Variants in CDH12 observed in about 807,000 individuals in gnomAD.
The protein encoded by CDH12 is cadherin-12.
In CDH12, 41 loss-of-function variants were observed where a neutral mutation model predicts 74.1. The observed-to-expected ratio is 0.55, with a 90% CI of 0.43 to 0.72. CDH12 has a LOEUF of 0.72. Among genes scored for constraint, CDH12 ranks in the 30% least tolerant of loss-of-function variants. CDH12 has a pLI of 0.00. For missense variants in CDH12, 945 were observed against 977.2 expected (o/e 0.97, Z 0.44); for synonymous variants, 399 against 355.0 (o/e 1.12, Z -1.39).
chr5:21,921,682 A>C (rs1178056043), intron 6 of CDH12, among the ~76,000 whole-genome samples: 3 of 152,206 alleles, frequency 2.0e-5, no homozygotes, highest in African/African-American at 7.2e-5. Context: ...TCTCTTAGAT[A>C]TGATGGGGAA....
At chr5:22,777,092 T>G (rs777491887) in intron 1 of CDH12, among the ~76,000 whole-genome samples, 2 of 152,134 alleles carry the variant, frequency 1.3e-5, no homozygotes, top group Non-Finnish European at 2.9e-5. Flanking sequence ...GATAACTTTA[T>G]GTTTAAGAGA....
At chr5:22,144,700 TA>T (rs1454541252) in intron 4 of CDH12, among the ~76,000 whole-genome samples, 1 of 152,092 alleles carries the variant, frequency 6.6e-6, no homozygotes, top group Admixed American at 6.6e-5. Flanking sequence ...CATCTTGTTA[TA>T]AACCAAAAAT....
chr5:22,358,772 CAT>C (rs1740673425), intron 3 of CDH12, among the ~76,000 whole-genome samples: 1 of 152,180 alleles, frequency 6.6e-6, no homozygotes, highest in Non-Finnish European at 1.5e-5. Flanking sequence ...ACAAGATTCT[CAT>C]ATGCTGCTTT....
intron 1 of CDH12, among the ~76,000 whole-genome samples, chr5:22,804,241 T>C (rs997913867): frequency 5.3e-5 from 8 of 152,196 alleles, no homozygotes; most frequent in Non-Finnish European, 1.2e-4. Context: ...TTTCTCTACC[T>C]TTGAATTTGG....
chr5:22,353,574 A>C (rs1740440342), intron 3 of CDH12, among the ~76,000 whole-genome samples: 1 of 152,178 alleles, frequency 6.6e-6, no homozygotes, highest in Non-Finnish European at 1.5e-5. Context: ...TTAAATATAT[A>C]GATCACACAA....
intron 1 of CDH12, among the ~76,000 whole-genome samples, chr5:22,713,203 C>T (rs1436468997): frequency 2.3e-5 from 3 of 128,156 alleles, no homozygotes; most frequent in Non-Finnish European, 1.5e-5. Flanking sequence ...TGCAGTGGTA[C>T]GATCTCGGCT....
At chr5:22,532,055 G>A (rs923937983) in intron 1 of CDH12, among the ~76,000 whole-genome samples, 11 of 151,852 alleles carry the variant, frequency 7.2e-5, no homozygotes, top group African/African-American at 2.2e-4. Context: ...GGGGCTTTGA[G>A]GGACAAGTCA....
chr5:22,623,666 G>T (rs1738107640), intron 1 of CDH12, among the ~76,000 whole-genome samples: 1 of 152,046 alleles, frequency 6.6e-6, no homozygotes, highest in Non-Finnish European at 1.5e-5. Context: ...AATAAAAGAG[G>T]ACACAAACAA....
chr5:22,093,852 G>T, intron 4 of CDH12, among the ~76,000 whole-genome samples: 1 of 152,110 alleles, frequency 6.6e-6, no homozygotes, highest in East Asian at 1.9e-4. Context: ...GTAATTAGTG[G>T]ACCTGAAATT....
At chr5:21,837,015 A>G (rs1345042159) in intron 8 of CDH12, among the ~76,000 whole-genome samples, 22 of 151,972 alleles carry the variant, frequency 1.4e-4, no homozygotes, top group Admixed American at 1.4e-3. Flanking sequence ...GCAAATTACC[A>G]TTAAAGAGGG....
At chr5:22,098,367 C>T (rs979506086) in intron 4 of CDH12, among the ~76,000 whole-genome samples, 31 of 152,304 alleles carry the variant, frequency 2.0e-4, no homozygotes, top group Admixed American at 6.5e-4. Context: ...AACTCCTTTC[C>T]TTCCTAGGCA....
chr5:22,073,726 G>A (rs1742112002), intron 5 of CDH12, among the ~76,000 whole-genome samples: 2 of 152,116 alleles, frequency 1.3e-5, no homozygotes, highest in South Asian at 4.1e-4. Context: ...AGCACAGTTT[G>A]TGCTTTCTTG....
intron 2 of CDH12, among the ~76,000 whole-genome samples, chr5:22,432,149 AT>A (rs1437427627): frequency 2.0e-5 from 3 of 152,094 alleles, no homozygotes; most frequent in Non-Finnish European, 2.9e-5. Context: ...TTTATATTGT[AT>A]TTTTACTGTA....
chr5:21,904,206 T>C (rs1007811705), intron 6 of CDH12, among the ~76,000 whole-genome samples: 1 of 152,172 alleles, frequency 6.6e-6, no homozygotes, highest in African/African-American at 2.4e-5. Context: ...GGGTTCTTTT[T>C]CATTGTATAA....
intron 6 of CDH12, among the ~76,000 whole-genome samples, chr5:21,909,422 A>AT (rs1273515382): frequency 6.6e-6 from 1 of 152,182 alleles, no homozygotes; most frequent in African/African-American, 2.4e-5. Context: ...GAAAATGATA[A>AT]TTTTATGAAC....
intron 1 of CDH12, among the ~76,000 whole-genome samples, chr5:22,519,830 A>G (rs1189846637): frequency 2.6e-5 from 4 of 152,176 alleles, no homozygotes; most frequent in African/African-American, 9.7e-5. Flanking sequence ...AAATACATAT[A>G]TTATGTAGTT....
rs2150125272 is a variant in CDH12 at position 21,978,474 on chromosome 5, G to A, written c.232-3089C>T. ...TGTTATTTTTATATGTTTCAGTTAT[G>A]TAAATATATAACTGAAAGGGTAAAT... On this transcript the variant is annotated intron_variant, in intron 5 of 14. Coordinates refer to ENST00000382254, the MANE Select transcript of CDH12 (RefSeq NM_004061.5). Among the ~76,000 whole-genome samples the A allele has an allele frequency of 2.0e-5, 3 of 152,044 alleles. 1 individual carries two copies. In the South Asian group the frequency reaches 6.2e-4, roughly 32 times the overall value.
chr5:22,451,901 AT>A (rs1025459325), intron 2 of CDH12, among the ~76,000 whole-genome samples: 14 of 151,942 alleles, frequency 9.2e-5, no homozygotes, highest in African/African-American at 3.4e-4. Context: ...ACATCAACAT[AT>A]AAAAATCAAT....
At chr5:22,188,465 C>G (rs995920565) in intron 4 of CDH12, among the ~76,000 whole-genome samples, 24 of 151,780 alleles carry the variant, frequency 1.6e-4, no homozygotes, top group African/African-American at 5.3e-4. Context: ...ACAAAACAGA[C>G]AGAGAGAGAG....
Sources: allele counts gnomAD v4.1 joint callset (sites outside exome capture counted in the v4.1 genomes callset), GRCh38; gene constraint gnomAD v4.1.1; transcripts MANE v1.5; gene names NCBI Gene and HGNC (gene_info 2026-07-23, HGNC 2026-07-21).